ZNF70: variants seen among roughly 807,000 people sequenced by gnomAD.
ZNF70 encodes zinc finger protein N27C7-1.
Under a neutral mutation model 37.7 loss-of-function variants are expected in ZNF70, and 18 were observed. The ratio of observed to expected loss-of-function variants is 0.48; its 90% CI spans 0.33 to 0.71. ZNF70 has a LOEUF of 0.71. Among genes scored for constraint, ZNF70 ranks in the 30% least tolerant of loss-of-function variants. The pLI is 0.02. For synonymous variants in ZNF70, 219 were observed against 220.1 expected (o/e 0.99, Z 0.05); for missense variants, 506 against 568.6 (o/e 0.89, Z 1.12).
At chr22:23,745,241 C>T (rs1925082199) in intron 1 of ZNF70, 22 bp from the exon 2 acceptor site, 1 of 1,348,200 alleles carries the variant, frequency 7.4e-7, no homozygotes, top group African/African-American at 1.5e-5. Flanking sequence ...ACAGGGAACT[C>T]TGTCAAGTCA....
In ZNF70 at chr22:23,739,084, T is replaced by C. The variant is rs1014746964; in HGVS notation, c.*4716A>G. Reference sequence around the variant, plus strand: ...AGAGAAAATATGGATTTGAATAAAATAATGAAAAAATTGAGTTAACAAATA... The same window carrying C: ...AGAGAAAATATGGATTTGAATAAAACAATGAAAAAATTGAGTTAACAAATA... On this transcript the variant is annotated 3_prime_UTR_variant, in exon 2 of 2. Coordinates refer to ENST00000341976, the MANE Select transcript of ZNF70 (RefSeq NM_021916.4). 3 of 151,968 alleles carry C rather than the reference T, an allele frequency of 2.0e-5. No homozygotes were observed. The highest frequency in any genetic ancestry group is 6.6e-5 in the Admixed American group (1 of 15,230). 9.4% of individuals were successfully genotyped at this position (151,968 alleles called of 1,614,324 possible). A position where few individuals can be genotyped will look rare whatever the true frequency, so the allele number is the denominator to read the frequency against.
In ZNF70 at chr22:23,744,500, T is replaced by A; in HGVS notation, c.641A>T (p.His214Leu). The A allele has an allele frequency of 6.2e-7, 1 of 1,612,976 alleles. No individual in the cohort carries two copies. The highest frequency in any genetic ancestry group is 8.5e-7 in the Non-Finnish European group (1 of 1,179,662). ...CCTCTTTCCGGTGTGGATCTTTTGG[T>A]GTTGCGTGAGGGCTGAGCTCTGGCG... ...AFRQSSALTQHQKIHTGKRPY... is the reference protein window; with the variant it reads ...AFRQSSALTQLQKIHTGKRPY... Residue 214 changes from histidine (H) to leucine (L), a missense_variant, in exon 2 of 2, where the codon CAC becomes CTC. Coordinates refer to ENST00000341976, the MANE Select transcript of ZNF70 (RefSeq NM_021916.4).
rs1008579037 is a variant in ZNF70, at chr22:23,738,706, T to C, written c.*5094A>G. The C allele has an allele frequency of 7.2e-5, 11 of 152,174 alleles. No individual in the cohort carries two copies. Among genetic ancestry groups the C allele is most frequent in the Non-Finnish European group, 1.2e-4 (8 of 68,040 alleles). 9.4% of individuals were successfully genotyped at this position (152,174 alleles called of 1,614,324 possible). A position where few individuals can be genotyped will look rare whatever the true frequency, so the allele number is the denominator to read the frequency against. On this transcript the variant is annotated 3_prime_UTR_variant, in exon 2 of 2. Transcript: ENST00000341976. Reference sequence around the variant, plus strand: ...ATGCCCCAAACATGATACTTATTTATTGATAATTCATACCCTGCCTATTTC... The same window carrying C: ...ATGCCCCAAACATGATACTTATTTACTGATAATTCATACCCTGCCTATTTC...
chr22:23,748,691 C>T (rs1292593401), intron 1 of ZNF70, among the ~76,000 whole-genome samples: 1 of 151,524 alleles, frequency 6.6e-6, no homozygotes, highest in Non-Finnish European at 1.5e-5. Flanking sequence ...ATTACAGGCA[C>T]CCGCCACCAG....
chr22:23,749,507 G>T (rs1266633754), intron 1 of ZNF70, among the ~76,000 whole-genome samples: 1 of 114,078 alleles, frequency 8.8e-6, no homozygotes. Flanking sequence ...CAGGCTGGGC[G>T]ACAGGACGAG....
chr22:23,745,771 A>AAAC (rs200758485), intron 1 of ZNF70, among the ~76,000 whole-genome samples: 8 of 152,094 alleles, frequency 5.3e-5, no homozygotes, highest in East Asian at 3.9e-4. Flanking sequence ...ACTCTATCTC[A>AAAC]AACAACAACA....
In ZNF70 at chr22:23,743,747, G is replaced by T; in HGVS notation, c.*53C>A. The stretch of plus-strand genomic sequence containing the variant: ...GGGGTCTTGGAGACCACGCGACGTG[G>T]AATAAAGGCTCCATCTGGCACAGGC... On this transcript the variant is annotated 3_prime_UTR_variant, in exon 2 of 2. Coordinates refer to ENST00000341976, the MANE Select transcript of ZNF70 (RefSeq NM_021916.4). The T allele has an allele frequency of 6.4e-7, 1 of 1,566,164 alleles. No homozygotes were observed. Among genetic ancestry groups the T allele is most frequent in the South Asian group, 1.2e-5 (1 of 82,544 alleles).
chr22:23,750,640 ATC>A (rs1925293925), intron 1 of ZNF70, 69 bp downstream of exon 1: 1 of 152,392 alleles, frequency 6.6e-6, no homozygotes, highest in African/African-American at 2.4e-5. Context: ...GCAACCCTTT[ATC>A]TGTCTCCCAC....
chr22:23,744,976 C>A lies in ZNF70; in HGVS notation c.165G>T (p.Glu55Asp). The change falls in exon 2 of 2, where the codon GAG becomes GAT. Residue 55 changes from glutamate (E) to aspartate (D), a missense_variant. Transcript: ENST00000341976. ...AVIYKEIPLG[E>D]QDEENDDYEG... ...CGTAATCATCATTTTCTTCGTCCTG[C>A]TCACCAAGAGGGATCTCCTTGTAGA... 6.2e-7 allele frequency: 1 copy of A among 1,614,222 alleles called. No homozygotes were observed. The highest frequency in any genetic ancestry group is 1.1e-5 in the South Asian group (1 of 91,090).
intron 1 of ZNF70, among the ~76,000 whole-genome samples, chr22:23,750,393 G>A (rs1027330100): frequency 2.6e-5 from 4 of 151,936 alleles, no homozygotes; most frequent in Non-Finnish European, 5.9e-5. Context: ...CCCTTCACCC[G>A]CCCACATTGC....
At position 23,744,558 on chromosome 22, in the gene ZNF70, G is replaced by C. The variant is rs1569134859; in HGVS notation, c.583C>G (p.Pro195Ala). The C allele has an allele frequency of 1.9e-6, 3 of 1,613,798 alleles. No homozygotes were observed. Among genetic ancestry groups the C allele is most frequent in the Admixed American group, 1.7e-5 (1 of 59,986 alleles). ...TTCCCACACTCCCGGCACTCGTAGG[G>C]CTTCTCCCCGGTGTGGATGATCTGG... The part of the protein sequence containing the change: ...RHQIIHTGEK[P>A]YECRECGKAF... Residue 195 changes from proline to alanine, a missense_variant, in exon 2 of 2, where the codon CCC becomes GCC. Coordinates refer to ENST00000341976, the MANE Select transcript of ZNF70 (RefSeq NM_021916.4).
At chr22:23,748,536 A>G (rs1413777261) in intron 1 of ZNF70, among the ~76,000 whole-genome samples, 1 of 149,606 alleles carries the variant, frequency 6.7e-6, no homozygotes, top group Non-Finnish European at 1.5e-5. Flanking sequence ...CACCATGCCC[A>G]GCAGAAATGA....
At chr22:23,745,289 T>G (rs1925083809) in intron 1 of ZNF70, 70 bp from the exon 2 acceptor site, 1 of 778,350 alleles carries the variant, frequency 1.3e-6, no homozygotes, top group Non-Finnish European at 2.1e-6. Flanking sequence ...CTTCATATCC[T>G]AGAATCTATG....
chr22:23,746,978 G>A (rs1228318556), intron 1 of ZNF70, among the ~76,000 whole-genome samples: 1 of 152,028 alleles, frequency 6.6e-6, no homozygotes, highest in East Asian at 1.9e-4. Context: ...GGCCCCCATC[G>A]TTAGCTTGAA....
At position 23,743,978 on chromosome 22, in the gene ZNF70, C is replaced by T. The variant is rs1293397391; in HGVS notation, c.1163G>A (p.Gly388Asp). The change falls in exon 2 of 2, where the codon GGC becomes GAC. Residue 388 changes from glycine to aspartate, a missense_variant. Coordinates refer to ENST00000341976, the MANE Select transcript of ZNF70 (RefSeq NM_021916.4). ...ACACTCGCAGGTGTAGGGCTTCTTG[C>T]CGGTGTGGATTCTCTGGTGCTGGAT... is the stretch of plus-strand genomic sequence containing the variant. ...ALIQHQRIHT[G>D]KKPYTCECGK... 1.9e-6 allele frequency: 3 copies of T among 1,614,170 alleles called. No homozygotes were observed. The highest frequency in any genetic ancestry group is 1.7e-6 in the Non-Finnish European group (2 of 1,180,028).
chr22:23,747,239 G>A (rs547469746), intron 1 of ZNF70, among the ~76,000 whole-genome samples: 36 of 152,308 alleles, frequency 2.4e-4, no homozygotes, highest in African/African-American at 8.2e-4. Context: ...GAACCAGGCC[G>A]CATAGCAGGA....
At position 23,747,373 on chromosome 22, in the gene ZNF70, T is replaced by C. The variant is rs186170352; in HGVS notation, c.-79-2154A>G. ...ACTGTGCATACGAGGGATTTGGTTG[T>C]GCACTCTTTATGAGAATCTAACACC... On this transcript the variant is annotated intron_variant, in intron 1 of 1. Transcript: ENST00000341976. 3.3e-5 allele frequency among the ~76,000 whole-genome samples: 5 copies of C among 152,286 alleles called. No homozygotes were observed. In the East Asian group the frequency reaches 9.6e-4, roughly 29 times the overall value.
In ZNF70 at chr22:23,739,721, C is replaced by T. The variant is rs1924818982; in HGVS notation, c.*4079G>A. On this transcript the variant is annotated 3_prime_UTR_variant, in exon 2 of 2. Coordinates refer to ENST00000341976, the MANE Select transcript of ZNF70 (RefSeq NM_021916.4). Reference sequence around the variant, plus strand: ...TCAAGCGATTCTCCTGCCTCAGCCTCCCGTGTAGCTGGGATTACAGGCACC... The same window carrying T: ...TCAAGCGATTCTCCTGCCTCAGCCTTCCGTGTAGCTGGGATTACAGGCACC... The T allele has an allele frequency of 6.6e-6, 1 of 152,084 alleles. No homozygotes were observed. Among genetic ancestry groups the T allele is most frequent in the South Asian group, 2.1e-4 (1 of 4,806 alleles). The allele number at this position is 152,084 out of a possible 1,614,324, so 9.4% of individuals were successfully genotyped here. A position where few individuals can be genotyped will look rare whatever the true frequency, so the allele number is the denominator to read the frequency against.
chr22:23,749,581 C>T (rs1280069366), intron 1 of ZNF70, among the ~76,000 whole-genome samples: 1 of 148,014 alleles, frequency 6.8e-6, no homozygotes, highest in African/African-American at 2.5e-5. Context: ...GCTCTACAGG[C>T]ACGTGCCACA....
Sources: gnomAD v4.1 joint callset for allele counts (sites outside exome capture counted in the v4.1 genomes callset) on GRCh38, gnomAD v4.1.1 for gene constraint, MANE v1.5 for transcripts, NCBI Gene and HGNC (gene_info 2026-07-23, HGNC 2026-07-21) for gene names.